Variants in CCDC82 observed in about 807,000 individuals in gnomAD.
CCDC82 encodes coiled-coil domain-containing protein 82.
A neutral mutation model predicts 60.6 loss-of-function variants in CCDC82; 47 were observed. The ratio of observed to expected loss-of-function variants is 0.77; its 90% CI spans 0.61 to 0.99. The LOEUF (loss-of-function observed/expected upper bound fraction) is 0.99. Among genes scored for constraint, CCDC82 ranks in the 50% least tolerant of loss-of-function variants. The probability of loss-of-function intolerance (pLI) is 0.00; values close to 1 mark genes in which losing one functional copy is unlikely to be tolerated. For missense variants in CCDC82, 588 were observed against 633.0 expected, an observed-to-expected ratio of 0.93 and a Z score of 0.76; for synonymous variants, 212 against 207.4, an observed-to-expected ratio of 1.02 and a Z score of -0.19.
chr11:96,367,669 T>C (rs558248538), intron 7 of CCDC82, among the ~76,000 whole-genome samples: 1 of 152,330 alleles, frequency 6.6e-6, no homozygotes, highest in South Asian at 2.1e-4. Context: ...TAATTGTTAA[T>C]GTTGATATTT....
intron 7 of CCDC82, among the ~76,000 whole-genome samples, chr11:96,369,138 C>T (rs1454019120): frequency 6.6e-6 from 1 of 152,184 alleles, no homozygotes; most frequent in Non-Finnish European, 1.5e-5. Context: ...TGAAGAGTTA[C>T]GGCCTTGCTC....
At chr11:96,358,473 G>A in intron 9 of CCDC82, 1 of 1,230,976 alleles carries the variant, frequency 8.1e-7, no homozygotes, top group Non-Finnish European at 1.0e-6. Context: ...TGAAACCTCT[G>A]CATTCCCCTC....
chr11:96,373,874 A>G (rs1865426865), intron 5 of CCDC82, among the ~76,000 whole-genome samples: 1 of 152,178 alleles, frequency 6.6e-6, no homozygotes, highest in African/African-American at 2.4e-5. Flanking sequence ...TACATATGAA[A>G]TTGTCCAGGG....
intron 7 of CCDC82, among the ~76,000 whole-genome samples, chr11:96,369,920 C>T (rs11821760): frequency 0.016 from 2,450 of 152,280 alleles, 79 homozygotes; most frequent in African/African-American, 0.055. Flanking sequence ...TGTGCCTGTA[C>T]TTTATCTTCA....
At chr11:96,382,073 G>A (rs1259179842) in intron 5 of CCDC82, 2 of 151,818 alleles carry the variant, frequency 1.3e-5, no homozygotes, top group African/African-American at 4.8e-5. Context: ...TACTCTATAG[G>A]ATGAAATGGA....
At chr11:96,376,326 C>G (rs944449880) in intron 5 of CCDC82, among the ~76,000 whole-genome samples, 3 of 151,994 alleles carry the variant, frequency 2.0e-5, no homozygotes, top group African/African-American at 7.3e-5. Context: ...TCTTGTTCTA[C>G]GCATATTACC....
chr11:96,379,079 A>G (rs769109954), intron 5 of CCDC82, among the ~76,000 whole-genome samples: 11 of 152,014 alleles, frequency 7.2e-5, no homozygotes, highest in Non-Finnish European at 1.5e-4. Flanking sequence ...CATATGTTGA[A>G]TATGATTCGT....
At chr11:96,388,325 A>G (rs1866320324) in intron 1 of CCDC82, 1 of 152,216 alleles carries the variant, frequency 6.6e-6, no homozygotes, top group Non-Finnish European at 1.5e-5. Flanking sequence ...TATATGTTGA[A>G]TATACACTTA....
rs986107508 is a variant in CCDC82, at chr11:96,352,929, G to A, written c.*717C>T. The A allele has an allele frequency of 6.6e-6, 1 of 151,708 alleles. No homozygotes were observed. The highest frequency in any genetic ancestry group is 6.6e-5 in the Admixed American group (1 of 15,234). The allele number at this position is 151,708 out of a possible 1,614,324, so 9.4% of individuals were successfully genotyped here. ...TACATACTTATATGGAAAAAGCTAT[G>A]GATAAAAATAAATAAAATACATCTT... On this transcript the variant is annotated 3_prime_UTR_variant, in exon 10 of 10. Coordinates refer to ENST00000646818, the MANE Select transcript of CCDC82 (RefSeq NM_024725.4).
intron 9 of CCDC82, chr11:96,358,206 A>G: frequency 9.9e-7 from 1 of 1,009,666 alleles, no homozygotes; most frequent in Non-Finnish European, 1.2e-6. Flanking sequence ...AAATGTTGAT[A>G]AGAGTTGCCT....
At chr11:96,379,790 G>C (rs896608063) in intron 5 of CCDC82, among the ~76,000 whole-genome samples, 3 of 151,738 alleles carry the variant, frequency 2.0e-5, no homozygotes, top group Admixed American at 2.0e-4. Context: ...TCTTCAATAA[G>C]ATAAAAACAA....
chr11:96,357,210 G>A (rs1864392154), intron 9 of CCDC82: 1 of 985,258 alleles, frequency 1.0e-6, no homozygotes, highest in Admixed American at 6.1e-5. Context: ...CTGCAAATGG[G>A]TTTATATTGG....
In CCDC82 at chr11:96,384,287, C is replaced by T. The variant is rs144935548; in HGVS notation, c.461G>A (p.Ser154Asn). 3.3e-4 allele frequency: 531 copies of T among 1,613,356 alleles called. 4 individuals carry two copies. In the African/African-American group the frequency reaches 6.5e-3, roughly 20 times the overall value. ...TTTGTTGAGATCATTATCCTCTTGA[C>T]TTAAATGTTTTTCCTGATCATCCTC... ...IIEDDQEKHL[S>N]QEDNDLNKQT... Residue 154 changes from serine (S) to asparagine (N), a missense_variant, in exon 4 of 10, where the codon AGT (serine) becomes AAT (asparagine). Coordinates refer to ENST00000646818, the MANE Select transcript of CCDC82 (RefSeq NM_024725.4).
rs776033271 is a variant in CCDC82, at chr11:96,359,228, C to T, written c.1381-50G>A. On this transcript the variant is annotated intron_variant, in intron 8 of 9. Transcript: ENST00000646818. ...ATCTGACAACGAATATATATCCTTTCTGGTTTTTGGATTTTCTTTAGTAGT... is the reference window on the plus strand; with the variant it reads ...ATCTGACAACGAATATATATCCTTTTTGGTTTTTGGATTTTCTTTAGTAGT... 5.6e-6 allele frequency: 8 copies of T among 1,440,662 alleles called. No homozygotes were observed. The South Asian group carries it at 9.0e-5, about 16-fold the overall frequency. 89.2% of individuals were successfully genotyped at this position (1,440,662 alleles called of 1,614,324 possible).
intron 9 of CCDC82, 117 bp downstream of exon 9, chr11:96,358,876 A>T: frequency 9.8e-7 from 1 of 1,025,302 alleles, no homozygotes; most frequent in Non-Finnish European, 1.4e-6. Context: ...GAAAATACAA[A>T]CGACAGAAGA....
intron 6 of CCDC82, among the ~76,000 whole-genome samples, chr11:96,373,014 A>G (rs1591193564): frequency 6.6e-6 from 1 of 152,176 alleles, no homozygotes; most frequent in African/African-American, 2.4e-5. Context: ...GGACAAAGGC[A>G]CAAAAGCAGA....
intron 5 of CCDC82, among the ~76,000 whole-genome samples, chr11:96,375,545 A>C (rs911229064): frequency 6.6e-6 from 1 of 152,228 alleles, no homozygotes; most frequent in African/African-American, 2.4e-5. Flanking sequence ...GCCAGGCATC[A>C]TTGTAAGCAT....
chr11:96,377,561 T>C (rs1041026235), intron 5 of CCDC82, among the ~76,000 whole-genome samples: 7 of 152,168 alleles, frequency 4.6e-5, no homozygotes, highest in African/African-American at 1.7e-4. Context: ...CGTATGTTCC[T>C]ATTACTAATT....
intron 5 of CCDC82, among the ~76,000 whole-genome samples, chr11:96,375,401 G>A (rs542156608): frequency 6.6e-6 from 1 of 152,240 alleles, no homozygotes; most frequent in African/African-American, 2.4e-5. Flanking sequence ...TTTATCAATG[G>A]ATATCAGAAT....
Sources: allele counts gnomAD v4.1 joint callset (sites outside exome capture counted in the v4.1 genomes callset), GRCh38; gene constraint gnomAD v4.1.1; transcripts MANE v1.5; gene names NCBI Gene and HGNC (gene_info 2026-07-23, HGNC 2026-07-21).